The following OR9Q1 variants were observed in gnomAD, a reference collection of about 807,000 sequenced individuals.
The protein encoded by OR9Q1 is olfactory receptor 9Q1.
For synonymous variants in OR9Q1, 153 were observed against 148.6 expected, an observed-to-expected ratio of 1.03 and a Z score of -0.22; for missense variants, 374 against 378.8, an observed-to-expected ratio of 0.99 and a Z score of 0.11.
chr11:58,037,689 A>ATTTTTTTTT (rs554392577), intron 1 of OR9Q1, among the ~76,000 whole-genome samples: 1 of 6,998 alleles, frequency 1.4e-4, no homozygotes, highest in Non-Finnish European at 2.6e-4. Flanking sequence ...ATATATATAT[A>ATTTTTTTTT]TTTTTTTTTT....
Position 58,162,803 on chromosome 11 carries a change from T to C in OR9Q1, c.-14-16628T>C, listed in dbSNP as rs574060310. Among the ~76,000 whole-genome samples the C allele has an allele frequency of 4.6e-5, 7 of 152,290 alleles. No homozygotes were observed. The East Asian group carries it at 1.2e-3, about 25-fold the overall frequency. On this transcript the variant is annotated intron_variant, in intron 2 of 2. Coordinates refer to ENST00000335397, the MANE Select transcript of OR9Q1 (RefSeq NM_001005212.4). The stretch of plus-strand genomic sequence containing the variant: ...CCTTCATCCCTCCTACCCCATGTCT[T>C]TGTTACTGTTTCAGCAGAATGGGGA...
chr11:58,024,750 G>A (rs969631090), intron 1 of OR9Q1, among the ~76,000 whole-genome samples: 2 of 152,194 alleles, frequency 1.3e-5, no homozygotes, highest in African/African-American at 2.4e-5. Flanking sequence ...AGAGGAAGCG[G>A]ATGCTGTTAA....
At chr11:58,045,046 A>T (rs1853202777) in intron 1 of OR9Q1, 1 of 152,192 alleles carries the variant, frequency 6.6e-6, no homozygotes, top group Non-Finnish European at 1.5e-5. Context: ...TTACCTTCAG[A>T]CTATGTGTAT....
chr11:58,032,295 T>C (rs1379495572), intron 1 of OR9Q1, among the ~76,000 whole-genome samples: 1 of 152,002 alleles, frequency 6.6e-6, no homozygotes, highest in Non-Finnish European at 1.5e-5. Context: ...GAGCCCAAAT[T>C]GCCAAAGCAA....
chr11:58,164,024 C>T (rs1371260656), intron 2 of OR9Q1, among the ~76,000 whole-genome samples: 1 of 152,138 alleles, frequency 6.6e-6, no homozygotes, highest in Non-Finnish European at 1.5e-5. Flanking sequence ...AGTAATCTCT[C>T]CTTGGAGACC....
chr11:58,106,151 T>C (rs1853837869), intron 2 of OR9Q1, among the ~76,000 whole-genome samples: 1 of 129,008 alleles, frequency 7.8e-6, no homozygotes, highest in African/African-American at 2.7e-5. Context: ...CTCACCAACA[T>C]TTGCTATCTT....
rs138122197 is a variant in OR9Q1, at chr11:58,180,033, G to C, written c.589G>C (p.Val197Leu). 1.8e-3 allele frequency: 2,955 copies of C among 1,614,164 alleles called. 3 individuals carry two copies. Among genetic ancestry groups the C allele is most frequent in the Admixed American group, 2.3e-3 (140 of 60,010 alleles). Residue 197 changes from valine to leucine, a missense_variant, in exon 3 of 3, where the codon GTG becomes CTG. Transcript: ENST00000335397. ...LTCGESYTQE[V>L]LIIMFAIFVI... The stretch of plus-strand genomic sequence containing the variant: ...CTGTGGGGAGAGCTACACTCAAGAA[G>C]TGCTGATTATTATGTTTGCCATTTT...
At chr11:58,135,585 T>C (rs1854182158) in intron 2 of OR9Q1, among the ~76,000 whole-genome samples, 3 of 152,182 alleles carry the variant, frequency 2.0e-5, no homozygotes, top group Admixed American at 2.0e-4. Context: ...GCCTGTTTAG[T>C]TCTATATATT....
intron 1 of OR9Q1, chr11:58,044,254 C>G (rs10750878): frequency 0.26 from 39,848 of 152,178 alleles, 5,754 homozygotes; most frequent in East Asian, 0.6. Context: ...CAGCTTTCAT[C>G]TGAAGTCTAC....
rs538551268 is a variant in OR9Q1, at chr11:58,149,053, A to T, written c.-14-30378A>T. On this transcript the variant is annotated intron_variant, in intron 2 of 2. Transcript: ENST00000335397. ...CAACATCTTTGTTCTTATTTAAAAC[A>T]TAATAGTGAAACACAAAAATAAAAA... 2.6e-5 allele frequency among the ~76,000 whole-genome samples: 4 copies of T among 152,324 alleles called. No homozygotes were observed. In the South Asian group the frequency reaches 8.3e-4, roughly 32 times the overall value.
At chr11:58,148,955 C>T (rs1480363675) in intron 2 of OR9Q1, among the ~76,000 whole-genome samples, 1 of 152,166 alleles carries the variant, frequency 6.6e-6, no homozygotes, top group Admixed American at 6.5e-5. Context: ...GCTATTTCCA[C>T]TCATCTCTTC....
chr11:58,171,065 T>C (rs1854549946), intron 2 of OR9Q1: 1 of 152,132 alleles, frequency 6.6e-6, no homozygotes, highest in Non-Finnish European at 1.5e-5. Context: ...GACTCATTGA[T>C]GGGAAACTAG....
In OR9Q1 at chr11:58,127,718, T is replaced by A. The variant is rs185847674; in HGVS notation, c.-14-51713T>A. On this transcript the variant is annotated intron_variant, in intron 2 of 2. Coordinates refer to ENST00000335397, the MANE Select transcript of OR9Q1 (RefSeq NM_001005212.4). ...ATCTGTTAACTGGGATACTTAAAGATGCTCTTTTTTCCTGATAGAATTTTG... is the reference window on the plus strand; with the variant it reads ...ATCTGTTAACTGGGATACTTAAAGAAGCTCTTTTTTCCTGATAGAATTTTG... Among the ~76,000 whole-genome samples the A allele has an allele frequency of 4.6e-5, 7 of 152,342 alleles. No homozygotes were observed. The East Asian group carries it at 1.4e-3, about 29-fold the overall frequency.
At chr11:58,095,746 A>G (rs1853724847) in intron 2 of OR9Q1, among the ~76,000 whole-genome samples, 1 of 152,200 alleles carries the variant, frequency 6.6e-6, no homozygotes, top group African/African-American at 2.4e-5. Flanking sequence ...GATTATGGGA[A>G]CTACAATTCA....
chr11:58,122,698 CATTTTATTTT>C (rs886990090), intron 2 of OR9Q1, among the ~76,000 whole-genome samples: 1 of 152,102 alleles, frequency 6.6e-6, no homozygotes, highest in Non-Finnish European at 1.5e-5. Flanking sequence ...GGCTCTTCTT[CATTTTATTTT>C]ATTTTATTAT....
chr11:58,055,287 A>T (rs1853316588), intron 1 of OR9Q1, among the ~76,000 whole-genome samples: 1 of 152,148 alleles, frequency 6.6e-6, no homozygotes, highest in Non-Finnish European at 1.5e-5. Context: ...TTTTTCTTAG[A>T]GCCCTTAAGA....
intron 2 of OR9Q1, among the ~76,000 whole-genome samples, chr11:58,087,910 A>G (rs1345540527): frequency 2.6e-5 from 4 of 151,774 alleles, no homozygotes; most frequent in Admixed American, 6.6e-5. Flanking sequence ...ATTTTTTGAG[A>G]TGGAGTCTCA....
At chr11:58,053,610 A>AAAATATATATATATT (rs1853291628) in intron 1 of OR9Q1, among the ~76,000 whole-genome samples, 1 of 62,536 alleles carries the variant, frequency 1.6e-5, no homozygotes, top group East Asian at 4.0e-4. Context: ...ATAAAATTAA[A>AAAATATATATATATT]AAATATATAT....
chr11:58,061,497 A>C (rs1853380025), intron 2 of OR9Q1, among the ~76,000 whole-genome samples: 1 of 152,246 alleles, frequency 6.6e-6, no homozygotes, highest in Admixed American at 6.5e-5. Flanking sequence ...TGAAGCTCAG[A>C]CAGATGACTC....
Sources: gnomAD v4.1 joint callset for allele counts (sites outside exome capture counted in the v4.1 genomes callset) on GRCh38, gnomAD v4.1.1 for gene constraint, MANE v1.5 for transcripts, NCBI Gene and HGNC (gene_info 2026-07-23, HGNC 2026-07-21) for gene names.